Variants in THSD7A observed in about 807,000 individuals in gnomAD.
THSD7A encodes the protein thrombospondin type-1 domain-containing protein 7A.
Under a neutral mutation model 231.3 loss-of-function variants are expected in THSD7A, and 96 were observed. The ratio of observed to expected loss-of-function variants is 0.41; its 90% CI spans 0.35 to 0.49. The LOEUF (loss-of-function observed/expected upper bound fraction) is 0.49. THSD7A is among the 20% of genes least tolerant of loss of function. The pLI is 0.05. For missense variants in THSD7A, 2,290 were observed against 2,070.2 expected (o/e 1.11, Z -2.06); for synonymous variants, 940 against 743.3 (o/e 1.26, Z -4.30).
intron 13 of THSD7A, among the ~76,000 whole-genome samples, chr7:11,436,416 A>G (rs1375741688): frequency 6.6e-6 from 1 of 152,104 alleles, no homozygotes; most frequent in African/African-American, 2.4e-5. Context: ...TTTAACAAAA[A>G]GCAGTCTGTG....
chr7:11,463,511 A>G (rs1785580805), intron 9 of THSD7A, among the ~76,000 whole-genome samples: 1 of 152,168 alleles, frequency 6.6e-6, no homozygotes, highest in African/African-American at 2.4e-5. Flanking sequence ...CTACTGTAAT[A>G]CACGACCTTG....
chr7:11,605,241 T>A (rs1469155635), intron 2 of THSD7A, among the ~76,000 whole-genome samples: 3 of 152,112 alleles, frequency 2.0e-5, no homozygotes, highest in Admixed American at 1.3e-4. Context: ...TGAAAAAACA[T>A]TTTTTAAACT....
intron 2 of THSD7A, among the ~76,000 whole-genome samples, chr7:11,602,305 T>C (rs936048841): frequency 7.3e-4 from 111 of 152,248 alleles, no homozygotes; most frequent in African/African-American, 2.6e-3. Flanking sequence ...TATATGTGTG[T>C]GTGTATGTGT....
intron 1 of THSD7A, among the ~76,000 whole-genome samples, chr7:11,741,359 G>A (rs1782106911): frequency 6.6e-6 from 1 of 151,866 alleles, no homozygotes; most frequent in Admixed American, 6.6e-5. Flanking sequence ...TTCATGCCAT[G>A]CCAAATTCCA....
chr7:11,679,195 A>C (rs1783768087), intron 1 of THSD7A, among the ~76,000 whole-genome samples: 1 of 152,214 alleles, frequency 6.6e-6, no homozygotes, highest in African/African-American at 2.4e-5. Flanking sequence ...GATGTAACAT[A>C]TCTCAAAATA....
chr7:11,594,295 A>G (rs1780277920), intron 2 of THSD7A, among the ~76,000 whole-genome samples: 1 of 152,144 alleles, frequency 6.6e-6, no homozygotes, highest in African/African-American at 2.4e-5. Context: ...TTATACATAT[A>G]TCTATCCTAT....
chr7:11,707,341 C>T (rs1780801862), intron 1 of THSD7A, among the ~76,000 whole-genome samples: 1 of 150,934 alleles, frequency 6.6e-6, no homozygotes, highest in Admixed American at 6.6e-5. Flanking sequence ...TGCTGCCTCT[C>T]AGTTATGGAG....
chr7:11,537,712 G>T (rs1788971677), intron 6 of THSD7A, among the ~76,000 whole-genome samples: 1 of 152,140 alleles, frequency 6.6e-6, no homozygotes, highest in Admixed American at 6.5e-5. Flanking sequence ...TCAGCCTCAG[G>T]TATTTCTTTA....
At chr7:11,734,768 A>G (rs559513155) in intron 1 of THSD7A, among the ~76,000 whole-genome samples, 113 of 152,076 alleles carry the variant, frequency 7.4e-4, no homozygotes, top group African/African-American at 2.6e-3. Context: ...ATTTCATACA[A>G]GGCATAACAC....
chr7:11,556,392 A>T (rs1789846222), intron 4 of THSD7A, among the ~76,000 whole-genome samples: 1 of 151,776 alleles, frequency 6.6e-6, no homozygotes, highest in South Asian at 2.1e-4. Context: ...ACTAAAGTAT[A>T]GAAATCTTAC....
intron 6 of THSD7A, among the ~76,000 whole-genome samples, chr7:11,516,886 C>G (rs1313766861): frequency 6.6e-6 from 1 of 152,122 alleles, no homozygotes; most frequent in Non-Finnish European, 1.5e-5. Flanking sequence ...ATATACATCA[C>G]TATATTGCCA....
chr7:11,679,073 C>T (rs1270606532), intron 1 of THSD7A, among the ~76,000 whole-genome samples: 9 of 152,124 alleles, frequency 5.9e-5, no homozygotes, highest in African/African-American at 2.2e-4. Context: ...TAATCCATCA[C>T]ATAAACAGAA....
At chr7:11,454,180 T>C (rs1293472288) in intron 11 of THSD7A, among the ~76,000 whole-genome samples, 1 of 151,994 alleles carries the variant, frequency 6.6e-6, no homozygotes, top group African/African-American at 2.4e-5. Flanking sequence ...AGATGCCTAT[T>C]TCAAAGATCC....
chr7:11,483,995 CT>C (rs897125147), intron 6 of THSD7A, among the ~76,000 whole-genome samples: 1 of 152,000 alleles, frequency 6.6e-6, no homozygotes, highest in Non-Finnish European at 1.5e-5. Flanking sequence ...CTAAGTTATG[CT>C]TTTTTCCGCA....
Position 11,530,814 on chromosome 7 carries a change from CAGCCTGGTCAATACAGTGA to C in THSD7A, c.1822+10586_1822+10604del, listed in dbSNP as rs1419737198. Among the ~76,000 whole-genome samples the C allele has an allele frequency of 2.6e-5, 4 of 152,110 alleles. No homozygotes were observed. The East Asian group carries it at 7.7e-4, about 29-fold the overall frequency. On this transcript the variant is annotated intron_variant, in intron 6 of 27. Transcript: ENST00000423059. The stretch of plus-strand genomic sequence containing the variant: ...TCACTTGAGGTCAGGAGTTTGAGAC[CAGCCTGGTCAATACAGTGA>C]AGCCTGGTCTCTACTAAAAATACAA...
At chr7:11,669,752 T>A (rs2128377655) in intron 1 of THSD7A, among the ~76,000 whole-genome samples, 1 of 152,232 alleles carries the variant, frequency 6.6e-6, no homozygotes, top group East Asian at 1.9e-4. Flanking sequence ...AGATGCAATA[T>A]TTCTAAATTT....
intron 4 of THSD7A, among the ~76,000 whole-genome samples, chr7:11,566,968 G>GAGGGGGGGGGGGGC (rs1269480989): frequency 1.8e-5 from 1 of 55,922 alleles, no homozygotes; most frequent in African/African-American, 1.1e-4. Context: ...GGGAGAGTGG[G>GAGGGGGGGGGGGGC]GGGGGGACTG....
intron 1 of THSD7A, among the ~76,000 whole-genome samples, chr7:11,722,418 T>C (rs1781388332): frequency 6.6e-6 from 1 of 151,918 alleles, no homozygotes; most frequent in Non-Finnish European, 1.5e-5. Context: ...TTGTGGAACA[T>C]AAAATTGGTC....
intron 2 of THSD7A, among the ~76,000 whole-genome samples, chr7:11,622,225 T>C (rs1781333714): frequency 6.6e-6 from 1 of 152,128 alleles, no homozygotes; most frequent in South Asian, 2.1e-4. Context: ...ACATCACATA[T>C]AGATTTTTCC....
Sources: gnomAD v4.1 joint callset for allele counts (sites outside exome capture counted in the v4.1 genomes callset) on GRCh38, gnomAD v4.1.1 for gene constraint, MANE v1.5 for transcripts, NCBI Gene and HGNC (gene_info 2026-07-23, HGNC 2026-07-21) for gene names.